The following HEXD variants were observed in gnomAD, a reference collection of about 807,000 sequenced individuals.
HEXD encodes N-acetyl-beta-galactosaminidase.
In HEXD, 47 loss-of-function variants were observed where a neutral mutation model predicts 54.2. That is an observed-to-expected ratio of 0.87 (90% CI 0.69 to 1.11). The LOEUF (loss-of-function observed/expected upper bound fraction) is 1.11, where lower values mean the gene tolerates loss of function less well. Among genes scored for constraint, HEXD ranks in the 50% least tolerant of loss-of-function variants. The pLI is 0.00. For synonymous variants in HEXD, 293 were observed against 287.6 expected, an observed-to-expected ratio of 1.02 and a Z score of -0.19; for missense variants, 576 against 649.2, an observed-to-expected ratio of 0.89 and a Z score of 1.23.
chr17:82,428,469 C>A, intron 3 of HEXD, 89 bp from the exon 4 acceptor site: 1 of 1,099,744 alleles, frequency 9.1e-7, no homozygotes, highest in South Asian at 1.3e-5. Context: ...GAGAGCCCCC[C>A]AGGGCCTGAT....
intron 4 of HEXD, among the ~76,000 whole-genome samples, chr17:82,433,168 G>A (rs865979820): frequency 2.4e-5 from 3 of 126,786 alleles, no homozygotes; most frequent in East Asian, 2.4e-4. Flanking sequence ...TAGTCTGGGC[G>A]TGGTGGTTCA....
chr17:82,439,177 G>A (rs933672705), intron 8 of HEXD, among the ~76,000 whole-genome samples: 6 of 152,228 alleles, frequency 3.9e-5, no homozygotes, highest in African/African-American at 1.4e-4. Context: ...ATGGGGCCTT[G>A]GGGAAAAGCT....
chr17:82,422,785 G>A (rs945687563), intron 2 of HEXD, among the ~76,000 whole-genome samples: 5 of 152,012 alleles, frequency 3.3e-5, no homozygotes, highest in South Asian at 2.1e-4. Context: ...GGCCAGGCGC[G>A]GTGGCTCATG....
Position 82,436,740 on chromosome 17 carries a change from T to C in HEXD, c.703+2T>C. On this transcript the variant is annotated splice_donor_variant, in intron 7 of 12. Coordinates refer to ENST00000327949, the MANE Select transcript of HEXD (RefSeq NM_001330542.2). LOFTEE classifies it high-confidence loss of function. ...CCGACCTGGATGTGCACGGCAAGGG[T>C]CAGTGCCAAGTTGTGGGGGGTGTGT... 6.2e-7 allele frequency: 1 copy of C among 1,611,194 alleles called. No homozygotes were observed. The highest frequency in any genetic ancestry group is 1.3e-5 in the African/African-American group (1 of 74,944).
chr17:82,436,946 T>C (rs1241719971), intron 7 of HEXD: 4 of 631,166 alleles, frequency 6.3e-6, no homozygotes, highest in East Asian at 5.5e-5. Context: ...CCACCAGTGT[T>C]TTCCTAGTGA....
At chr17:82,423,063 A>G (rs1324745074) in intron 2 of HEXD, among the ~76,000 whole-genome samples, 2 of 152,068 alleles carry the variant, frequency 1.3e-5, no homozygotes, top group African/African-American at 2.4e-5. Context: ...ATCTCAAAAA[A>G]AAAAAGAAAG....
intron 6 of HEXD, 59 bp downstream of exon 6, chr17:82,435,931 T>C: frequency 6.5e-7 from 1 of 1,527,992 alleles, no homozygotes; most frequent in Non-Finnish European, 8.8e-7. Context: ...ACCTGCGGCT[T>C]CAAAGAAAGA....
intron 1 of HEXD, among the ~76,000 whole-genome samples, chr17:82,419,117 A>C (rs925550931): frequency 7.9e-5 from 12 of 152,126 alleles, no homozygotes; most frequent in African/African-American, 2.7e-4. Flanking sequence ...AAAATAAATA[A>C]AAAATACATA....
In HEXD at chr17:82,435,792, G is replaced by A; in HGVS notation, c.551G>A (p.Gly184Asp). Residue 184 changes from glycine to aspartate, a missense_variant, in exon 6 of 13, where the codon GGC becomes GAC. By Grantham distance (94) the Gly-to-Asp change is moderately conservative. Coordinates refer to ENST00000327949, the MANE Select transcript of HEXD (RefSeq NM_001330542.2). ...CLSHMRAVAS[G>D]VKARRPSVTP... The stretch of plus-strand genomic sequence containing the variant: ...TCACACATGCGGGCGGTGGCCAGCG[G>A]CGTGAAGGCCCGGCGCCCCAGCGTG... 1 of 1,612,786 alleles carries A rather than the reference G, an allele frequency of 6.2e-7. No individual in the cohort carries two copies. The highest frequency in any genetic ancestry group is 8.5e-7 in the Non-Finnish European group (1 of 1,179,868).
chr17:82,436,640 C>A (rs762680462), intron 6 of HEXD, 27 bp from the exon 7 acceptor site: 9 of 1,593,346 alleles, frequency 5.6e-6, no homozygotes, highest in Non-Finnish European at 6.8e-6. Flanking sequence ...AGGTGTCTCA[C>A]CAACCTCACG....
At chr17:82,420,500 A>G (rs1167862674) in intron 2 of HEXD, 1 of 152,248 alleles carries the variant, frequency 6.6e-6, no homozygotes, top group Non-Finnish European at 1.5e-5. Flanking sequence ...GTCTGCTGAC[A>G]CCTGGATTTT....
chr17:82,429,646 C>T (rs1308748400), intron 4 of HEXD, among the ~76,000 whole-genome samples: 2 of 152,136 alleles, frequency 1.3e-5, no homozygotes, highest in Non-Finnish European at 2.9e-5. Flanking sequence ...CTGCTGGGCC[C>T]CTCGGTAGCT....
intron 4 of HEXD, among the ~76,000 whole-genome samples, chr17:82,429,741 A>C (rs1234984805): frequency 2.0e-5 from 3 of 151,326 alleles, no homozygotes; most frequent in South Asian, 2.1e-4. Flanking sequence ...ATCCATTTGC[A>C]TTTGTCTCTC....
chr17:82,424,913 GGAGAAGGCTA>G (rs958209497), intron 3 of HEXD, among the ~76,000 whole-genome samples: 9 of 151,854 alleles, frequency 5.9e-5, no homozygotes, highest in East Asian at 1.9e-4. Flanking sequence ...AGAGAAAGCT[GGAGAAGGCTA>G]GAGAAGGCTG....
chr17:82,434,083 A>C lies in HEXD; in HGVS notation c.447+261A>C, dbSNP rs1316744367. ...CGGCCTGGCACGGGACAGCCTGCAGAGCCCGAGGGAGGCACCCTCGTGTCA... is the reference window on the plus strand; with the variant it reads ...CGGCCTGGCACGGGACAGCCTGCAGCGCCCGAGGGAGGCACCCTCGTGTCA... On this transcript the variant is annotated intron_variant, in intron 5 of 12. Coordinates refer to ENST00000327949, the MANE Select transcript of HEXD (RefSeq NM_001330542.2). This position sits in a 1 kb window ranked among gnomAD's most constrained non-coding sequence, Gnocchi z 4.5. Among the ~76,000 whole-genome samples the C allele has an allele frequency of 6.6e-6, 1 of 152,174 alleles. No individual in the cohort carries two copies. Among genetic ancestry groups the C allele is most frequent in the Non-Finnish European group, 1.5e-5 (1 of 68,022 alleles).
At chr17:82,439,883 C>T in intron 9 of HEXD, 170 bp downstream of exon 9, 3 of 1,533,880 alleles carry the variant, frequency 2.0e-6, no homozygotes, top group Non-Finnish European at 2.6e-6. Flanking sequence ...CTGAAGTCCA[C>T]CCAGGCTGGG....
intron 2 of HEXD, chr17:82,423,442 A>G (rs1004849009): frequency 1.2e-4 from 19 of 152,302 alleles, no homozygotes; most frequent in African/African-American, 4.3e-4. Context: ...ACTTGAGCCC[A>G]GGAGTTGGGT....
Position 82,437,297 on chromosome 17 carries a change from G to A in HEXD, c.833G>A (p.Trp278Ter). Residue 278 changes from tryptophan to a stop codon, truncating the protein, a stop_gained, in exon 8 of 13, where the codon TGG (tryptophan) becomes TAG (stop). Transcript: ENST00000327949. LOFTEE classifies it high-confidence loss of function. ...VEHHLRNHVQ[W>*]LQVAGSGPTD... ...CACCACCTCAGGAACCACGTGCAGTGGCTGCAGGTGGCGGGCAGCGGGCCC... is the reference window on the plus strand; with the variant it reads ...CACCACCTCAGGAACCACGTGCAGTAGCTGCAGGTGGCGGGCAGCGGGCCC... 1 of 1,612,126 alleles carries A rather than the reference G, an allele frequency of 6.2e-7. No individual in the cohort carries two copies. Among genetic ancestry groups the A allele is most frequent in the Non-Finnish European group, 8.5e-7 (1 of 1,179,512 alleles).
chr17:82,429,142 C>T (rs1254439349), intron 4 of HEXD, among the ~76,000 whole-genome samples: 1 of 152,038 alleles, frequency 6.6e-6, no homozygotes, highest in Non-Finnish European at 1.5e-5. Flanking sequence ...CACCTGTAGT[C>T]CCAGCTGCTC....
Sources: allele counts gnomAD v4.1 joint callset (sites outside exome capture counted in the v4.1 genomes callset), GRCh38; gene constraint gnomAD v4.1.1; non-coding constraint Gnocchi (gnomAD v3.1); transcripts MANE v1.5; gene names NCBI Gene and HGNC (gene_info 2026-07-23, HGNC 2026-07-21).